OR1D2: variants seen among roughly 807,000 people sequenced by gnomAD.
OR1D2 encodes the protein olfactory receptor 1D2.
For missense variants in OR1D2, 357 were observed against 376.1 expected, an observed-to-expected ratio of 0.95 and a Z score of 0.42; for synonymous variants, 157 against 153.9, an observed-to-expected ratio of 1.02 and a Z score of -0.15.
chr17:3,098,562 A>AAAC lies in OR1D2; in HGVS notation c.-50-5519_-50-5517dup, dbSNP rs745331560. Among the ~76,000 whole-genome samples the AAAC allele has an allele frequency of 2.1e-3, 313 of 152,216 alleles. 1 individual carries two copies. The East Asian group carries it at 0.029, about 14-fold the overall frequency. On this transcript the variant is annotated intron_variant, in intron 1 of 1. Transcript: ENST00000641833. Reference sequence around the variant, plus strand: ...AACTAGACAAACTCATGAAGATGAGAAACAACAACAACAACAACAACAAAT... The same window carrying AAAC: ...AACTAGACAAACTCATGAAGATGAGAAACAACAACAACAACAACAACAACAAAT...
At position 3,089,486 on chromosome 17, in the gene OR1D2, G is replaced by A. The variant is rs1190180373; in HGVS notation, c.*2572C>T. On this transcript the variant is annotated 3_prime_UTR_variant, in exon 2 of 2. Transcript: ENST00000641833. The stretch of plus-strand genomic sequence containing the variant: ...GTACTAGTTGGCCTCCAGCCAAGAG[G>A]TGGTCCTTTCAAGAGTGCACCAGCT... 1 of 152,326 alleles carries A rather than the reference G, an allele frequency of 6.6e-6. No individual in the cohort carries two copies. The highest frequency in any genetic ancestry group is 1.5e-5 in the Non-Finnish European group (1 of 68,148). 9.4% of individuals were successfully genotyped at this position (152,326 alleles called of 1,614,324 possible).
At chr17:3,093,138 A>C in intron 1 of OR1D2, 92 bp from the exon 2 acceptor site, 2 of 785,008 alleles carry the variant, frequency 2.5e-6, no homozygotes, top group Non-Finnish European at 4.1e-6. Context: ...TTTGAAAATA[A>C]GAAAGTGAAA....
chr17:3,101,873 A>G (rs1007412996), intron 1 of OR1D2, among the ~76,000 whole-genome samples: 4 of 152,190 alleles, frequency 2.6e-5, no homozygotes, highest in African/African-American at 7.2e-5. Flanking sequence ...TACACCAACA[A>G]TAGACAAGCA....
chr17:3,092,611 G>A lies in OR1D2; in HGVS notation c.386C>T (p.Pro129Leu), dbSNP rs1013111052. Residue 129 changes from proline to leucine, a missense_variant, in exon 2 of 2, where the codon CCC (proline) becomes CTC (leucine). Physicochemically the swap from Pro to Leu is moderately conservative, Grantham distance 98. Coordinates refer to ENST00000641833, the MANE Select transcript of OR1D2 (RefSeq NM_002548.3). ...GCTCATGGCTGTGGTGTAGTGGAGG[G>A]GGCAGCAGATGGCCACATAGCGGTC... ...AYDRYVAICC[P>L]LHYTTAMSPK... is the part of the protein sequence containing the mutation. The A allele has an allele frequency of 6.2e-6, 10 of 1,614,074 alleles. No homozygotes were observed. The highest frequency in any genetic ancestry group is 8.5e-6 in the Non-Finnish European group (10 of 1,180,012).
chr17:3,101,153 T>G (rs1055629358), intron 1 of OR1D2, among the ~76,000 whole-genome samples: 2 of 152,016 alleles, frequency 1.3e-5, no homozygotes, highest in African/African-American at 2.4e-5. Context: ...AAGGAGAGAC[T>G]CCTCCTTAAC....
rs60697731 is a variant in OR1D2 at position 3,088,700 on chromosome 17, TCC to T, written c.*3356_*3357del. 40,056 of 152,026 alleles carry T rather than the reference TCC, an allele frequency of 0.26. 6,039 individuals carry two copies. Among genetic ancestry groups the T allele is most frequent in the Non-Finnish European group, 0.33 (22,632 of 67,906 alleles). The allele number at this position is 152,026 out of a possible 1,614,324, so 9.4% of individuals were successfully genotyped here. A position where few individuals can be genotyped will look rare whatever the true frequency, so the allele number is the denominator to read the frequency against. ...AGGACAGGGATTTTTACAATGCTTT[TCC>T]ATACAATGTCTGTAATCTATAGATA... On this transcript the variant is annotated 3_prime_UTR_variant, in exon 2 of 2. Transcript: ENST00000641833.
Position 3,090,804 on chromosome 17 carries a change from T to A in OR1D2, c.*1254A>T, listed in dbSNP as rs1658264987. On this transcript the variant is annotated 3_prime_UTR_variant, in exon 2 of 2. Coordinates refer to ENST00000641833, the MANE Select transcript of OR1D2 (RefSeq NM_002548.3). ...AATACACATACTGACTATTAAGAGC[T>A]CCCAACCATTTTCTTATTTTTTTTT... 1 of 149,430 alleles carries A rather than the reference T, an allele frequency of 6.7e-6. No individual in the cohort carries two copies. The highest frequency in any genetic ancestry group is 1.5e-5 in the Non-Finnish European group (1 of 67,690). 9.3% of individuals were successfully genotyped at this position (149,430 alleles called of 1,614,324 possible).
At chr17:3,094,559 C>T (rs1391000566) in intron 1 of OR1D2, among the ~76,000 whole-genome samples, 16 of 152,048 alleles carry the variant, frequency 1.1e-4, no homozygotes, top group Admixed American at 1.0e-3. Flanking sequence ...GACTAGTACC[C>T]TGAATTGTTA....
Position 3,092,147 on chromosome 17 carries a change from T to C in OR1D2, c.850A>G (p.Met284Val). The C allele has an allele frequency of 1.2e-6, 2 of 1,614,190 alleles. No homozygotes were observed. Among genetic ancestry groups the C allele is most frequent in the Non-Finnish European group, 1.7e-6 (2 of 1,180,014 alleles). The part of the protein sequence containing the change: ...TVMYAVVTPM[M>V]NPFIYSLRNK... ...CTCAGGCTGTAGATGAAGGGATTCA[T>C]CATGGGTGTCACCACAGCATACATC... Residue 284 changes from methionine (M) to valine (V), a missense_variant, in exon 2 of 2, where the codon ATG (methionine) becomes GTG (valine). Physicochemically the swap from Met to Val is conservative, Grantham distance 21. Coordinates refer to ENST00000641833, the MANE Select transcript of OR1D2 (RefSeq NM_002548.3).
intron 1 of OR1D2, among the ~76,000 whole-genome samples, chr17:3,102,540 T>C (rs1277262339): frequency 6.6e-6 from 1 of 152,208 alleles, no homozygotes; most frequent in East Asian, 1.9e-4. Context: ...TATTTGTTTC[T>C]GTTATCCTGC....
chr17:3,099,267 G>A (rs1433633060), intron 1 of OR1D2, among the ~76,000 whole-genome samples: 1 of 152,098 alleles, frequency 6.6e-6, no homozygotes, highest in African/African-American at 2.4e-5. Context: ...AATGTTAAGG[G>A]CAGCCAGAGA....
At chr17:3,096,758 A>G (rs2047846859) in intron 1 of OR1D2, among the ~76,000 whole-genome samples, 1 of 152,266 alleles carries the variant, frequency 6.6e-6, no homozygotes, top group South Asian at 2.1e-4. Context: ...GTGTAATTCA[A>G]CAACAGTATT....
intron 1 of OR1D2, among the ~76,000 whole-genome samples, chr17:3,096,106 G>T (rs897977766): frequency 4.6e-5 from 7 of 151,914 alleles, no homozygotes; most frequent in Non-Finnish European, 7.4e-5. Context: ...AATTATTAAA[G>T]AAATTAAAAT....
chr17:3,100,023 C>T (rs949158360), intron 1 of OR1D2, among the ~76,000 whole-genome samples: 5 of 152,102 alleles, frequency 3.3e-5, no homozygotes, highest in African/African-American at 1.2e-4. Flanking sequence ...CACCCAGATT[C>T]GTAAAAGAAG....
chr17:3,094,808 G>T (rs1450158521), intron 1 of OR1D2, among the ~76,000 whole-genome samples: 1 of 152,048 alleles, frequency 6.6e-6, no homozygotes, highest in Non-Finnish European at 1.5e-5. Context: ...GACAAATGGG[G>T]AATATCAATA....
At position 3,088,844 on chromosome 17, in the gene OR1D2, C is replaced by T. The variant is rs2047790111; in HGVS notation, c.*3214G>A. 6.6e-6 allele frequency: 1 copy of T among 151,516 alleles called. No individual in the cohort carries two copies. The highest frequency in any genetic ancestry group is 2.4e-5 in the African/African-American group (1 of 41,160). The allele number at this position is 151,516 out of a possible 1,614,324, so 9.4% of individuals were successfully genotyped here. ...TAGTTTTTACTTCTTTCTTTGGAGG[C>T]AGAAATTGGGCATAAGACAATATGA... is the stretch of plus-strand genomic sequence containing the variant. On this transcript the variant is annotated 3_prime_UTR_variant, in exon 2 of 2. Transcript: ENST00000641833.
intron 1 of OR1D2, 48 bp from the exon 2 acceptor site, chr17:3,093,094 GA>G: frequency 8.8e-7 from 1 of 1,134,534 alleles, no homozygotes; most frequent in South Asian, 1.5e-5. Flanking sequence ...CATTTTCTTA[GA>G]ATTAAGAATG....
chr17:3,094,327 T>G (rs568631202), intron 1 of OR1D2, among the ~76,000 whole-genome samples: 1 of 152,264 alleles, frequency 6.6e-6, no homozygotes. Context: ...AGTGTGCCTT[T>G]TTTTCCTTCG....
intron 1 of OR1D2, among the ~76,000 whole-genome samples, chr17:3,100,867 AC>A (rs773617170): frequency 1.3e-5 from 2 of 152,222 alleles, no homozygotes; most frequent in African/African-American, 2.4e-5. Context: ...AGAAACACAA[AC>A]TACTATCAGA....
Sources: allele counts gnomAD v4.1 joint callset (sites outside exome capture counted in the v4.1 genomes callset), GRCh38; gene constraint gnomAD v4.1.1; transcripts MANE v1.5; gene names NCBI Gene and HGNC (gene_info 2026-07-23, HGNC 2026-07-21).